Variants in KHDRBS1 observed in about 807,000 individuals in gnomAD.
KHDRBS1 encodes KH RNA binding domain containing, signal transduction associated 1.
In KHDRBS1, 7 loss-of-function variants were observed where a neutral mutation model predicts 48.4. The observed-to-expected ratio is 0.14, with a 90% confidence interval of 0.08 to 0.27. The LOEUF is 0.27. KHDRBS1 is among the 10% of genes least tolerant of loss of function. KHDRBS1 has a pLI of 1.00. For missense variants in KHDRBS1, 458 were observed against 601.2 expected (o/e 0.76, Z 2.49); for synonymous variants, 241 against 235.8 (o/e 1.02, Z -0.20).
At chr1:32,036,695 A>C (rs1320150135) in intron 4 of KHDRBS1, among the ~76,000 whole-genome samples, 1 of 152,198 alleles carries the variant, frequency 6.6e-6, no homozygotes. Flanking sequence ...AGAGCTAGGC[A>C]GAGACCACAT....
intron 1 of KHDRBS1, among the ~76,000 whole-genome samples, chr1:32,026,888 G>A (rs771713625): frequency 1.5e-4 from 23 of 152,100 alleles, no homozygotes; most frequent in Non-Finnish European, 2.9e-4. Context: ...TCTGCCTCCC[G>A]GGTTCCAGCG....
chr1:32,016,806 T>C (rs1037894630), intron 1 of KHDRBS1, among the ~76,000 whole-genome samples: 2 of 152,232 alleles, frequency 1.3e-5, no homozygotes, highest in Non-Finnish European at 2.9e-5. Context: ...CCATTCTCCA[T>C]GGCTAGAATG....
chr1:32,054,797 G>A lies in KHDRBS1; in HGVS notation n.1302-5366G>A, dbSNP rs142850843. ...TCTGCAATTTTTTTTTAAGCTCATCGGCTGTCGTTAGTGTATTTTATGTGT... is the reference window on the plus strand; with the variant it reads ...TCTGCAATTTTTTTTTAAGCTCATCAGCTGTCGTTAGTGTATTTTATGTGT... On this transcript the variant is annotated intron_variant and non_coding_transcript_variant, in intron 10 of 10. Transcript: ENST00000484270. Among the ~76,000 whole-genome samples the A allele has an allele frequency of 3.6e-4, 55 of 152,086 alleles. 1 individual carries two copies. The East Asian group carries it at 0.01, about 28-fold the overall frequency.
At chr1:32,054,539 T>C (rs139625304) in intron 10 of KHDRBS1, 2 of 152,294 alleles carry the variant, frequency 1.3e-5, no homozygotes, top group Non-Finnish European at 2.9e-5. Flanking sequence ...CCAAAACTCT[T>C]GACTGTCCAC....
At chr1:32,035,554 C>G (rs1639162601) in intron 4 of KHDRBS1, among the ~76,000 whole-genome samples, 1 of 152,218 alleles carries the variant, frequency 6.6e-6, no homozygotes, top group South Asian at 2.1e-4. Flanking sequence ...ATTTTTGCAT[C>G]TGTGACCAGA....
chr1:32,051,242 A>G (rs933479375), intron 10 of KHDRBS1, among the ~76,000 whole-genome samples: 1 of 152,218 alleles, frequency 6.6e-6, no homozygotes, highest in East Asian at 1.9e-4. Context: ...TCCCGGCACC[A>G]TTTGTTGAAA....
intron 1 of KHDRBS1, among the ~76,000 whole-genome samples, chr1:32,019,553 G>C (rs1638814577): frequency 6.6e-6 from 1 of 151,712 alleles, no homozygotes; most frequent in Non-Finnish European, 1.5e-5. Context: ...AAGAAAGAAA[G>C]AAAGAAAAAG....
rs1639310942 is a variant in KHDRBS1, at chr1:32,043,056, G to T, written c.*432G>T. The T allele has an allele frequency of 6.5e-6, 1 of 153,334 alleles. No individual in the cohort carries two copies. Among genetic ancestry groups the T allele is most frequent in the Non-Finnish European group, 1.5e-5 (1 of 68,606 alleles). The allele number at this position is 153,334 out of a possible 1,614,324, so 9.5% of individuals were successfully genotyped here. A position where few individuals can be genotyped will look rare whatever the true frequency, so the allele number is the denominator to read the frequency against. ...ATTTGAGGCATCCCGTAAAGTTGTA[G>T]TTGCAGAATCCCAAACTAGGCTACA... is the stretch of plus-strand genomic sequence containing the variant. On this transcript the variant is annotated 3_prime_UTR_variant, in exon 9 of 9. Coordinates refer to ENST00000327300, the MANE Select transcript of KHDRBS1 (RefSeq NM_006559.3).
chr1:32,040,778 G>A (rs1020218605), intron 8 of KHDRBS1, among the ~76,000 whole-genome samples: 5 of 152,268 alleles, frequency 3.3e-5, no homozygotes, highest in East Asian at 1.9e-4. Context: ...GACAGTTCAC[G>A]CTAAGATACT....
chr1:32,020,150 C>T (rs530896017), intron 1 of KHDRBS1, among the ~76,000 whole-genome samples: 61 of 152,178 alleles, frequency 4.0e-4, no homozygotes, highest in Middle Eastern at 3.4e-3. Flanking sequence ...TGGCTCATGC[C>T]TGTAATCCCA....
chr1:32,043,529 T>C lies in KHDRBS1; in HGVS notation c.*905T>C, dbSNP rs1486298844. 2 of 152,608 alleles carry C rather than the reference T, an allele frequency of 1.3e-5. No individual in the cohort carries two copies. The highest frequency in any genetic ancestry group is 3.9e-4 in the East Asian group (2 of 5,192). The allele number at this position is 152,608 out of a possible 1,614,324, so 9.5% of individuals were successfully genotyped here. Reference sequence around the variant, plus strand: ...TCAGTATTTAAAAAGACAAAGTATTTTGTCCATTTGAGATTCTGCACTCCA... The same window carrying C: ...TCAGTATTTAAAAAGACAAAGTATTCTGTCCATTTGAGATTCTGCACTCCA... On this transcript the variant is annotated 3_prime_UTR_variant, in exon 9 of 9. Coordinates refer to ENST00000327300, the MANE Select transcript of KHDRBS1 (RefSeq NM_006559.3).
intron 10 of KHDRBS1, among the ~76,000 whole-genome samples, chr1:32,056,613 C>A (rs1639482376): frequency 6.6e-6 from 1 of 152,190 alleles, no homozygotes; most frequent in Non-Finnish European, 1.5e-5. Context: ...CTAACTCCAG[C>A]AGCCTTCATG....
At chr1:32,059,861 G>GC (rs1639524612) in intron 10 of KHDRBS1, among the ~76,000 whole-genome samples, 1 of 152,128 alleles carries the variant, frequency 6.6e-6, no homozygotes, top group Non-Finnish European at 1.5e-5. Flanking sequence ...GCTTGGATAG[G>GC]CCCCCCAAAG....
At chr1:32,025,052 G>T (rs1264990151) in intron 1 of KHDRBS1, among the ~76,000 whole-genome samples, 1 of 151,686 alleles carries the variant, frequency 6.6e-6, no homozygotes, top group Non-Finnish European at 1.5e-5. Context: ...AGGATCATTT[G>T]AGCCCAGGAG....
intron 1 of KHDRBS1, among the ~76,000 whole-genome samples, chr1:32,015,197 A>C (rs2124350813): frequency 6.6e-6 from 1 of 152,096 alleles, no homozygotes; most frequent in East Asian, 1.9e-4. Flanking sequence ...TGTTTTTTAC[A>C]TTTTTGATTC....
chr1:32,018,930 G>T (rs140002154), intron 1 of KHDRBS1, among the ~76,000 whole-genome samples: 11 of 151,850 alleles, frequency 7.2e-5, no homozygotes, highest in African/African-American at 2.7e-4. Context: ...AGATAGCTGG[G>T]TGTGGTGGCA....
chr1:32,027,987 C>T (rs1285890426), intron 1 of KHDRBS1, among the ~76,000 whole-genome samples: 1 of 152,102 alleles, frequency 6.6e-6, no homozygotes, highest in African/African-American at 2.4e-5. Flanking sequence ...CATAGTGGCG[C>T]ATGCCTGTAG....
intron 5 of KHDRBS1, 142 bp from the exon 6 acceptor site, chr1:32,037,693 C>T: frequency 1.1e-6 from 1 of 900,256 alleles, no homozygotes; most frequent in Non-Finnish European, 1.8e-6. Context: ...GGTCCTTTAC[C>T]CTGTACATTC....
chr1:32,030,446 C>A (rs1368332600), intron 2 of KHDRBS1, 24 bp downstream of exon 2: 1 of 1,585,724 alleles, frequency 6.3e-7, no homozygotes. Flanking sequence ...TGCTTTGGAT[C>A]TTTGAGTTAT....
Sources: gnomAD v4.1 joint callset for allele counts (sites outside exome capture counted in the v4.1 genomes callset) on GRCh38, gnomAD v4.1.1 for gene constraint, MANE v1.5 for transcripts, NCBI Gene and HGNC (gene_info 2026-07-23, HGNC 2026-07-21) for gene names.